The following ACVR2B variants were observed in gnomAD, a reference collection of about 807,000 sequenced individuals.
ACVR2B encodes activin receptor type-2B.
Under a neutral mutation model 65.1 loss-of-function variants are expected in ACVR2B, and 18 were observed. The ratio of observed to expected loss-of-function variants is 0.28; its 90% CI spans 0.19 to 0.41. The LOEUF (loss-of-function observed/expected upper bound fraction) is 0.41. Among genes scored for constraint, ACVR2B ranks in the 10% least tolerant of loss-of-function variants. The probability of loss-of-function intolerance (pLI) is 1.00; values close to 1 mark genes in which losing one functional copy is unlikely to be tolerated. For missense variants in ACVR2B, 482 were observed against 682.7 expected (o/e 0.71, Z 3.28); for synonymous variants, 298 against 277.7 (o/e 1.07, Z -0.73).
chr3:38,479,775 A>G lies in ACVR2B; in HGVS notation c.908A>G (p.Glu303Gly). ...TCACGAGGCCTCTCATACCTGCATG[A>G]GGATGTGCCCTGGTGCCGTGGCGAG... Reference protein sequence around the residue: ...TMSRGLSYLHEDVPWCRGEGH... With the variant: ...TMSRGLSYLHGDVPWCRGEGH... The change falls in exon 7 of 11, where the codon GAG becomes GGG. Residue 303 changes from glutamate to glycine, a missense_variant. Physicochemically the swap from Glu to Gly is moderately conservative, Grantham distance 98. Around this residue, in one of 5 missense-constraint regions of ACVR2B, gnomAD observed 223 missense variants for 386.3 expected, o/e 0.58. Coordinates refer to ENST00000352511, the MANE Select transcript of ACVR2B (RefSeq NM_001106.4). 6.2e-7 allele frequency: 1 copy of G among 1,614,238 alleles called. No individual in the cohort carries two copies. Among genetic ancestry groups the G allele is most frequent in the South Asian group, 1.1e-5 (1 of 91,082 alleles).
At position 38,488,363 on chromosome 3, in the gene ACVR2B, T is replaced by A. The variant is rs1710157085; in HGVS notation, c.*5031T>A. On this transcript the variant is annotated 3_prime_UTR_variant, in exon 11 of 11. Transcript: ENST00000352511. ...CTACCTATGAATGTATCCCAAACCT[T>A]TAGAAGATTGGAAAAGATTTTTGAA... The A allele has an allele frequency of 6.6e-6, 1 of 152,184 alleles. No individual in the cohort carries two copies. The highest frequency in any genetic ancestry group is 2.1e-4 in the South Asian group (1 of 4,834). The allele number at this position is 152,184 out of a possible 1,614,324, so 9.4% of individuals were successfully genotyped here.
At chr3:38,479,396 T>A in intron 6 of ACVR2B, 125 bp downstream of exon 6, 1 of 1,421,070 alleles carries the variant, frequency 7.0e-7, no homozygotes, top group Non-Finnish European at 9.9e-7. Context: ...CCGGTAGCAC[T>A]ATCCACTATG....
rs532819047 is a variant in ACVR2B, at chr3:38,488,019, C to T, written c.*4687C>T. 2 of 152,316 alleles carry T rather than the reference C, an allele frequency of 1.3e-5. No individual in the cohort carries two copies. The highest frequency in any genetic ancestry group is 1.9e-4 in the East Asian group (1 of 5,178). The allele number at this position is 152,316 out of a possible 1,614,324, so 9.4% of individuals were successfully genotyped here. On this transcript the variant is annotated 3_prime_UTR_variant, in exon 11 of 11. Transcript: ENST00000352511. The stretch of plus-strand genomic sequence containing the variant: ...AGCTCCGTGAATCTAGTCATCTACC[C>T]TTCATCCTGGGCGAACAGCCAAAAA...
chr3:38,476,585 GA>G (rs1383955661), intron 1 of ACVR2B: 2 of 154,954 alleles, frequency 1.3e-5, no homozygotes, highest in Non-Finnish European at 2.9e-5. Flanking sequence ...TATGGGCAGG[GA>G]GTTGTGGAGG....
At position 38,482,206 on chromosome 3, in the gene ACVR2B, G is replaced by A. The variant is rs1025852963; in HGVS notation, c.1083G>A (p.Thr361=). Residue 361 remains threonine, a synonymous_variant, in exon 9 of 11, where the codon ACG becomes ACA. Transcript: ENST00000352511. The stretch of plus-strand genomic sequence containing the variant: ...CCTCTGTCCTCACATAGGTAGGCAC[G>A]AGACGGTACATGGCTCCTGAGGTGC... ...PPGDTHGQVG[T]RRYMAPEVLE... 4 of 1,613,578 alleles carry A rather than the reference G, an allele frequency of 2.5e-6. No individual in the cohort carries two copies. Among genetic ancestry groups the A allele is most frequent in the Admixed American group, 1.7e-5 (1 of 59,942 alleles).
intron 5 of ACVR2B, 26 bp from the exon 6 acceptor site, chr3:38,479,102 C>G (rs773938193): frequency 1.8e-5 from 29 of 1,613,650 alleles, no homozygotes; most frequent in Non-Finnish European, 2.3e-5. Flanking sequence ...CCACTTGTCC[C>G]CCCAACCCCT....
chr3:38,454,954 G>T (rs1211318777), intron 1 of ACVR2B: 1 of 152,262 alleles, frequency 6.6e-6, no homozygotes, highest in African/African-American at 2.4e-5. Context: ...GTTGGCCCCG[G>T]GATGCGGAGT....
At chr3:38,470,326 G>T (rs574250838) in intron 1 of ACVR2B, among the ~76,000 whole-genome samples, 1 of 152,044 alleles carries the variant, frequency 6.6e-6, no homozygotes, top group South Asian at 2.1e-4. Context: ...CAGCCAGAAA[G>T]AAAAAAACAG....
chr3:38,476,982 G>A, intron 1 of ACVR2B: 1 of 505,742 alleles, frequency 2.0e-6, no homozygotes, highest in Non-Finnish European at 3.6e-6. Context: ...GACTCTGTCT[G>A]TCTGGCTGTT....
At position 38,478,473 on chromosome 3, in the gene ACVR2B, C is replaced by T; in HGVS notation, c.621C>T (p.Ala207=). The change falls in exon 5 of 11, where the codon GCC becomes GCT. Residue 207 remains alanine, a synonymous_variant. Coordinates refer to ENST00000352511, the MANE Select transcript of ACVR2B (RefSeq NM_001106.4). ...GGCGCTTTGGCTGTGTCTGGAAGGC[C>T]CAGCTCATGAATGACTTTGTAGCTG... is the stretch of plus-strand genomic sequence containing the variant. ...ARGRFGCVWK[A]QLMNDFVAVK... 2 of 1,614,132 alleles carry T rather than the reference C, an allele frequency of 1.2e-6. No individual in the cohort carries two copies. The highest frequency in any genetic ancestry group is 1.7e-5 in the Admixed American group (1 of 60,022).
chr3:38,478,371 C>G lies in ACVR2B; in HGVS notation c.523-4C>G, dbSNP rs753752958. The G allele has an allele frequency of 1.2e-6, 2 of 1,613,958 alleles. No individual in the cohort carries two copies. Among genetic ancestry groups the G allele is most frequent in the African/African-American group, 2.7e-5 (2 of 74,910 alleles). ...AGACCTTTTTAAGCCTTGCTCTCCC[C>G]CAGGACCCTGGGCCTCCACCACCAT... On this transcript the variant is annotated splice_polypyrimidine_tract_variant and splice_region_variant and intron_variant, in intron 4 of 10. Transcript: ENST00000352511.
chr3:38,480,452 T>C (rs1391563343), intron 7 of ACVR2B, among the ~76,000 whole-genome samples: 1 of 152,190 alleles, frequency 6.6e-6, no homozygotes, highest in African/African-American at 2.4e-5. Flanking sequence ...TTGACCTTCA[T>C]TACCGCCCAT....
rs1184058150 is a variant in ACVR2B at position 38,484,282 on chromosome 3, C to G, written c.*950C>G. ...AATCATCACAGGTTAGGAATACATT[C>G]TTCATAAGACACGATGCTGTAAATA... On this transcript the variant is annotated 3_prime_UTR_variant, in exon 11 of 11. Transcript: ENST00000352511. 1.3e-5 allele frequency: 2 copies of G among 152,234 alleles called. No individual in the cohort carries two copies. Among genetic ancestry groups the G allele is most frequent in the African/African-American group, 2.4e-5 (1 of 41,450 alleles). 9.4% of individuals were successfully genotyped at this position (152,234 alleles called of 1,614,324 possible).
chr3:38,455,238 C>T (rs1027417257), intron 1 of ACVR2B, among the ~76,000 whole-genome samples: 1 of 152,094 alleles, frequency 6.6e-6, no homozygotes, highest in Admixed American at 6.5e-5. Context: ...ATTTCCCTCT[C>T]TCAGTGGTGC....
chr3:38,482,185 T>C lies in ACVR2B; in HGVS notation c.1075-13T>C, dbSNP rs959824588. Reference sequence around the variant, plus strand: ...AGTCACTGTAAATCCTGCCCTCCTCTGTCCTCACATAGGTAGGCACGAGAC... The same window carrying C: ...AGTCACTGTAAATCCTGCCCTCCTCCGTCCTCACATAGGTAGGCACGAGAC... On this transcript the variant is annotated splice_polypyrimidine_tract_variant and intron_variant, in intron 8 of 10. Transcript: ENST00000352511. 22 of 1,613,686 alleles carry C rather than the reference T, an allele frequency of 1.4e-5. No homozygotes were observed. Among genetic ancestry groups the C allele is most frequent in the Non-Finnish European group, 1.9e-5 (22 of 1,179,968 alleles).
At chr3:38,455,020 A>G (rs1393280039) in intron 1 of ACVR2B, among the ~76,000 whole-genome samples, 4 of 151,938 alleles carry the variant, frequency 2.6e-5, no homozygotes, top group African/African-American at 7.3e-5. Context: ...GGGGGTGGGT[A>G]AGATGGAAAA....
intron 1 of ACVR2B, among the ~76,000 whole-genome samples, chr3:38,468,561 G>T (rs1394311233): frequency 6.6e-6 from 1 of 152,062 alleles, no homozygotes; most frequent in Non-Finnish European, 1.5e-5. Context: ...AGTGGTGGTG[G>T]GATCTGAGGA....
chr3:38,483,335 CCAG>C lies in ACVR2B; in HGVS notation c.*4_*6del, dbSNP rs767725702. ...CCCCTAAAGAGTCAAGCATCTAAGC[CCAG>C]GACATGAGTGTCTGTCCAGACTCAG... On this transcript the variant is annotated 3_prime_UTR_variant, in exon 11 of 11. Transcript: ENST00000352511. This position sits in a 1 kb window ranked among gnomAD's most constrained non-coding sequence, Gnocchi z 4.8. The C allele has an allele frequency of 6.8e-6, 11 of 1,613,898 alleles. No homozygotes were observed. Among genetic ancestry groups the C allele is most frequent in the Middle Eastern group, 1.7e-4 (1 of 6,060 alleles).
In ACVR2B at chr3:38,479,111, C is replaced by T. The variant is rs1709968182; in HGVS notation, c.667-17C>T. 3 of 1,613,910 alleles carry T rather than the reference C, an allele frequency of 1.9e-6. No individual in the cohort carries two copies. The highest frequency in any genetic ancestry group is 2.5e-6 in the Non-Finnish European group (3 of 1,180,006). Reference sequence around the variant, plus strand: ...AGCCAGCCACTTGTCCCCCCAACCCCTCGCCCCCGGCCTCAGGACAAGCAG... The same window carrying T: ...AGCCAGCCACTTGTCCCCCCAACCCTTCGCCCCCGGCCTCAGGACAAGCAG... On this transcript the variant is annotated splice_polypyrimidine_tract_variant and intron_variant, in intron 5 of 10. Transcript: ENST00000352511.
Sources: gnomAD v4.1 joint callset for allele counts (sites outside exome capture counted in the v4.1 genomes callset) on GRCh38, gnomAD v4.1.1 for gene constraint, gnomAD v4.1.1 regional missense constraint, Gnocchi (gnomAD v3.1) non-coding constraint, MANE v1.5 for transcripts, NCBI Gene and HGNC (gene_info 2026-07-23, HGNC 2026-07-21) for gene names.